IPO7: variants seen among roughly 807,000 people sequenced by gnomAD.
IPO7 encodes importin-7.
A neutral mutation model predicts 136.4 loss-of-function variants in IPO7; 13 were observed. The observed-to-expected ratio is 0.10, with a 90% CI of 0.06 to 0.15. The LOEUF (loss-of-function observed/expected upper bound fraction) is 0.15, where lower values mean the gene tolerates loss of function less well. Among genes scored for constraint, IPO7 ranks in the 10% least tolerant of loss-of-function variants. The probability of loss-of-function intolerance (pLI) is 1.00; values close to 1 mark genes in which losing one functional copy is unlikely to be tolerated. For synonymous variants in IPO7, 403 were observed against 404.4 expected (o/e 1.00, Z 0.04); for missense variants, 857 against 1,240.6 (o/e 0.69, Z 4.65).
rs1054980760 is a variant in IPO7 at position 9,433,901 on chromosome 11, T to C, written c.2074+55T>C. The C allele has an allele frequency of 3.3e-6, 5 of 1,530,144 alleles. No individual in the cohort carries two copies. The African/African-American group carries it at 5.6e-5, about 17-fold the overall frequency. 94.8% of individuals were successfully genotyped at this position (1,530,144 alleles called of 1,614,324 possible). On this transcript the variant is annotated intron_variant, in intron 18 of 24. Transcript: ENST00000379719. Reference sequence around the variant, plus strand: ...GGTTTTCCCTGCTTTGATTTATTTGTAGCTTATCATTTGAACATACACTTT... The same window carrying C: ...GGTTTTCCCTGCTTTGATTTATTTGCAGCTTATCATTTGAACATACACTTT...
Position 9,438,062 on chromosome 11 carries a change from T to TTG in IPO7, c.2490-17_2490-16insGT. ...AGAAAACAGTTTTTTTTTTTTTTTT[T>TTG]TTTTTTTTTTTTTTTAGGCTTCATG... On this transcript the variant is annotated splice_polypyrimidine_tract_variant and intron_variant, in intron 21 of 24. Transcript: ENST00000379719. 1 of 1,217,582 alleles carries TTG rather than the reference T, an allele frequency of 8.2e-7. No homozygotes were observed. The highest frequency in any genetic ancestry group is 1.1e-6 in the Non-Finnish European group (1 of 915,788). 75.4% of individuals were successfully genotyped at this position (1,217,582 alleles called of 1,614,324 possible). A position where few individuals can be genotyped will look rare whatever the true frequency, so the allele number is the denominator to read the frequency against.
intron 12 of IPO7, among the ~76,000 whole-genome samples, chr11:9,425,806 G>A (rs189590876): frequency 0.014 from 2,171 of 151,720 alleles, 51 homozygotes; most frequent in African/African-American, 0.05. Context: ...TTGAACCCGG[G>A]ACGTGGAGTT....
rs71062847 is a variant in IPO7 at position 9,406,104 on chromosome 11, CTTTTTTTTTTTTTTTT to C, written c.167-2369_167-2354del. 6.5e-5 allele frequency among the ~76,000 whole-genome samples: 4 copies of C among 61,840 alleles called. 1 individual carries two copies. The South Asian group carries it at 2.6e-3, about 40-fold the overall frequency. 40.6% of individuals were successfully genotyped at this position (61,840 alleles called of 152,430 possible). On this transcript the variant is annotated intron_variant, in intron 2 of 24. Transcript: ENST00000379719. ...ATCTCACTATGTTGCTGAGGCTGGT[CTTTTTTTTTTTTTTTT>C]TTTTTTTTTTTTAGTAGAGACGGGG...
intron 22 of IPO7, among the ~76,000 whole-genome samples, chr11:9,439,827 C>T (rs976669258): frequency 6.6e-6 from 1 of 152,144 alleles, no homozygotes. Context: ...CCTGCCTTGG[C>T]CTCCTAAAGT....
Position 9,433,797 on chromosome 11 carries a change from A to G in IPO7, c.2025A>G (p.Leu675=). Residue 675 remains leucine (L), a synonymous_variant, in exon 18 of 25, where the codon CTA becomes CTG. Coordinates refer to ENST00000379719, the MANE Select transcript of IPO7 (RefSeq NM_006391.3). Reference sequence around the variant, plus strand: ...TGTCTCCACAGATGTGGCAGCTACTACCCCTTGTATTTGAAGTCTTTCAGC... The same window carrying G: ...TGTCTCCACAGATGTGGCAGCTACTGCCCCTTGTATTTGAAGTCTTTCAGC... The part of the protein sequence containing the change: ...QQVSPQMWQL[L]PLVFEVFQQD... 6.2e-7 allele frequency: 1 copy of G among 1,611,566 alleles called. No homozygotes were observed. Among genetic ancestry groups the G allele is most frequent in the Non-Finnish European group, 8.5e-7 (1 of 1,179,738 alleles).
chr11:9,420,138 C>G (rs981368454), intron 6 of IPO7: 1 of 327,226 alleles, frequency 3.1e-6, no homozygotes, highest in Non-Finnish European at 5.6e-6. Flanking sequence ...CCTGGCTAAC[C>G]CCGTCTCTAC....
At chr11:9,420,303 A>G in intron 6 of IPO7, 108 bp from the exon 7 acceptor site, 1 of 685,694 alleles carries the variant, frequency 1.5e-6, no homozygotes, top group East Asian at 2.8e-5. Context: ...TCAAAAAAAA[A>G]AAGGCCAGCA....
intron 24 of IPO7, 86 bp from the exon 25 acceptor site, chr11:9,445,011 G>A (rs1349654510): frequency 2.4e-6 from 2 of 830,762 alleles, no homozygotes; most frequent in South Asian, 1.4e-5. Flanking sequence ...TGATGGTTAA[G>A]CTACTGGCTT....
At chr11:9,395,661 C>T (rs187602546) in intron 1 of IPO7, among the ~76,000 whole-genome samples, 16 of 152,252 alleles carry the variant, frequency 1.1e-4, no homozygotes, top group African/African-American at 3.4e-4. Flanking sequence ...GCTATATCCC[C>T]GCTAACAGAA....
chr11:9,410,243 T>G (rs923262865), intron 4 of IPO7, among the ~76,000 whole-genome samples, 157 bp downstream of exon 4: 4 of 152,214 alleles, frequency 2.6e-5, no homozygotes, highest in Non-Finnish European at 5.9e-5. Flanking sequence ...TGACATAGCA[T>G]TCTAACTCCG....
rs1219685077 is a variant in IPO7 at position 9,446,948 on chromosome 11, C to G, written c.*1754C>G. On this transcript the variant is annotated 3_prime_UTR_variant, in exon 25 of 25. Transcript: ENST00000379719. Reference sequence around the variant, plus strand: ...TGTTAATCAAGTGTTTCTACTCCCCCCCGAAAATCCCCTGAAAGTTGGACA... The same window carrying G: ...TGTTAATCAAGTGTTTCTACTCCCCGCCGAAAATCCCCTGAAAGTTGGACA... The G allele has an allele frequency of 1.3e-5, 2 of 152,066 alleles. No homozygotes were observed. The highest frequency in any genetic ancestry group is 4.1e-4 in the South Asian group (2 of 4,828). The allele number at this position is 152,066 out of a possible 1,614,324, so 9.4% of individuals were successfully genotyped here.
At position 9,417,166 on chromosome 11, in the gene IPO7, C is replaced by T. The variant is rs748020517; in HGVS notation, c.726+18C>T. 1.0e-6 allele frequency: 1 copy of T among 999,608 alleles called. No homozygotes were observed. The highest frequency in any genetic ancestry group is 2.0e-5 in the Admixed American group (1 of 50,646). The allele number at this position is 999,608 out of a possible 1,614,324, so 61.9% of individuals were successfully genotyped here. On this transcript the variant is annotated intron_variant, in intron 6 of 24. Transcript: ENST00000379719. ...TACCTAATGTAAGTTTCTGTATGTTCTCTTATATTACTAAATGTAAATATT... is the reference window on the plus strand; with the variant it reads ...TACCTAATGTAAGTTTCTGTATGTTTTCTTATATTACTAAATGTAAATATT...
intron 19 of IPO7, 49 bp downstream of exon 19, chr11:9,435,080 GTA>G: frequency 8.9e-7 from 1 of 1,117,562 alleles, no homozygotes; most frequent in Non-Finnish European, 1.4e-6. Context: ...GCTATAAAAT[GTA>G]TGAAATTGTG....
At chr11:9,405,772 G>C (rs948269069) in intron 2 of IPO7, among the ~76,000 whole-genome samples, 4 of 152,140 alleles carry the variant, frequency 2.6e-5, no homozygotes, top group Non-Finnish European at 5.9e-5. Context: ...GAACTCCCTG[G>C]TCAGCAGTAA....
rs564849366 is a variant in IPO7, at chr11:9,423,915, G to C, written c.1141+39G>C. 352 of 1,234,336 alleles carry C rather than the reference G, an allele frequency of 2.9e-4. 9 individuals are homozygous for C. The South Asian group carries it at 4.1e-3, about 14-fold the overall frequency. The allele number at this position is 1,234,336 out of a possible 1,614,324, so 76.5% of individuals were successfully genotyped here. A position where few individuals can be genotyped will look rare whatever the true frequency, so the allele number is the denominator to read the frequency against. ...ACGTTTTTAGAAACAAAAAATGTCAGTAATTAAGATTACAGTGATTGCATG... is the reference window on the plus strand; with the variant it reads ...ACGTTTTTAGAAACAAAAAATGTCACTAATTAAGATTACAGTGATTGCATG... On this transcript the variant is annotated intron_variant, in intron 10 of 24. Coordinates refer to ENST00000379719, the MANE Select transcript of IPO7 (RefSeq NM_006391.3).
At chr11:9,441,828 A>G (rs1228390526) in intron 23 of IPO7, among the ~76,000 whole-genome samples, 1 of 152,186 alleles carries the variant, frequency 6.6e-6, no homozygotes, top group East Asian at 1.9e-4. Context: ...AGTTAGGCTG[A>G]GTCCTTATTT....
chr11:9,432,456 C>T (rs527373689), intron 16 of IPO7, among the ~76,000 whole-genome samples: 2 of 152,292 alleles, frequency 1.3e-5, no homozygotes, highest in East Asian at 3.9e-4. Flanking sequence ...CTCCCTTGAC[C>T]TCCCAAAGTG....
In IPO7 at chr11:9,423,778, G is replaced by T. The variant is rs1391478924; in HGVS notation, c.1043G>T (p.Gly348Val). ...GTTTTCTTAACTTTTAAATTGCAGG[G>T]CATTATCCAAGATGTTATTTTTCCA... ...TWKNLKPHIQ[G>V]IIQDVIFPLM... is the part of the protein sequence containing the mutation. The change falls in exon 10 of 25, where the codon GGC (glycine) becomes GTC (valine). Residue 348 changes from glycine to valine, a missense_variant and splice_region_variant. By Grantham distance (109) the Gly-to-Val change is moderately radical. This residue lies in a region of IPO7 where 127 missense variants were observed against 222.4 expected (regional missense o/e 0.57). Coordinates refer to ENST00000379719, the MANE Select transcript of IPO7 (RefSeq NM_006391.3). 2 of 1,562,730 alleles carry T rather than the reference G, an allele frequency of 1.3e-6. No homozygotes were observed. The highest frequency in any genetic ancestry group is 1.7e-6 in the Non-Finnish European group (2 of 1,149,014).
rs1056592096 is a variant in IPO7 at position 9,446,669 on chromosome 11, T to C, written c.*1475T>C. ...ATGGATTCAAAACTATTACAAGCTGTTGTCTAAAACAGGTGAGAAAAAAAT... is the reference window on the plus strand; with the variant it reads ...ATGGATTCAAAACTATTACAAGCTGCTGTCTAAAACAGGTGAGAAAAAAAT... On this transcript the variant is annotated 3_prime_UTR_variant, in exon 25 of 25. Transcript: ENST00000379719. The C allele has an allele frequency of 6.6e-6, 1 of 152,190 alleles. No individual in the cohort carries two copies. The highest frequency in any genetic ancestry group is 2.4e-5 in the African/African-American group (1 of 41,450). The allele number at this position is 152,190 out of a possible 1,614,324, so 9.4% of individuals were successfully genotyped here.
Sources: gnomAD v4.1 joint callset for allele counts (sites outside exome capture counted in the v4.1 genomes callset) on GRCh38, gnomAD v4.1.1 for gene constraint, gnomAD v4.1.1 regional missense constraint, MANE v1.5 for transcripts, NCBI Gene and HGNC (gene_info 2026-07-23, HGNC 2026-07-21) for gene names.